TSNARE1: variants seen among roughly 807,000 people sequenced by gnomAD.
The protein encoded by TSNARE1 is t-SNARE domain-containing protein 1.
A neutral mutation model predicts 62.0 loss-of-function variants in TSNARE1; 49 were observed. The ratio of observed to expected loss-of-function variants is 0.79; its 90% CI spans 0.63 to 1.00. TSNARE1 has a LOEUF of 1.00. Ranked by LOEUF, TSNARE1 falls within the 50% of genes least tolerant of loss-of-function variation. The pLI is 0.00. For synonymous variants in TSNARE1, 328 were observed against 294.4 expected (o/e 1.11, Z -1.17); for missense variants, 755 against 700.1 (o/e 1.08, Z -0.88).
chr8:142,257,146 G>A (rs1282183869), intron 12 of TSNARE1, among the ~76,000 whole-genome samples: 1 of 152,180 alleles, frequency 6.6e-6, no homozygotes, highest in Non-Finnish European at 1.5e-5. Flanking sequence ...CTCTCCGAGG[G>A]AGGCAAGTCT....
intron 1 of TSNARE1, among the ~76,000 whole-genome samples, chr8:142,388,237 C>T (rs1218130485): frequency 1.3e-5 from 2 of 151,864 alleles, no homozygotes; most frequent in Admixed American, 6.6e-5. Flanking sequence ...AAAAAGAAAA[C>T]ATGAAATAAA....
intron 1 of TSNARE1, among the ~76,000 whole-genome samples, chr8:142,395,621 G>C (rs1587150574): frequency 6.6e-6 from 1 of 152,240 alleles, no homozygotes; most frequent in Admixed American, 6.5e-5. Context: ...AGAATTAAGG[G>C]GCCCAGGCTG....
At chr8:142,213,034 T>G in intron 13 of TSNARE1, among the ~76,000 whole-genome samples, 1 of 26,586 alleles carries the variant, frequency 3.8e-5, no homozygotes, top group South Asian at 4.1e-3. Context: ...TCTCTAATCC[T>G]TCCTCCTCCC....
At chr8:142,274,174 G>A (rs1381811142) in intron 12 of TSNARE1, 1 of 985,328 alleles carries the variant, frequency 1.0e-6, no homozygotes, top group Non-Finnish European at 1.2e-6. Flanking sequence ...GGAGCACCAG[G>A]CCACAATGGG....
intron 6 of TSNARE1, among the ~76,000 whole-genome samples, chr8:142,321,408 T>C (rs1445541995): frequency 6.6e-6 from 1 of 152,130 alleles, no homozygotes. Context: ...ATAAAATCAG[T>C]GTCCAGAAAG....
At chr8:142,312,442 T>C (rs975857936) in intron 9 of TSNARE1, among the ~76,000 whole-genome samples, 17 of 152,180 alleles carry the variant, frequency 1.1e-4, no homozygotes, top group South Asian at 1.0e-3. Context: ...AGAGACAACA[T>C]AGACATGATT....
chr8:142,378,874 G>A (rs148846840), intron 1 of TSNARE1, among the ~76,000 whole-genome samples: 1 of 152,150 alleles, frequency 6.6e-6, no homozygotes, highest in Non-Finnish European at 1.5e-5. Flanking sequence ...TTGGTTCCAC[G>A]GCAGCCTCTG....
chr8:142,347,531 A>G (rs1387320329), intron 2 of TSNARE1, among the ~76,000 whole-genome samples: 1 of 152,172 alleles, frequency 6.6e-6, no homozygotes, highest in Non-Finnish European at 1.5e-5. Context: ...ACCCCGGACA[A>G]TGGCCTGTGA....
At chr8:142,302,880 C>T (rs1308312955) in intron 9 of TSNARE1, among the ~76,000 whole-genome samples, 1 of 152,202 alleles carries the variant, frequency 6.6e-6, no homozygotes, top group Non-Finnish European at 1.5e-5. Context: ...CTAGGGACAG[C>T]ACTGTCCACC....
chr8:142,402,330 G>A (rs1302413009), intron 1 of TSNARE1, among the ~76,000 whole-genome samples: 3 of 152,210 alleles, frequency 2.0e-5, no homozygotes, highest in Non-Finnish European at 4.4e-5. Context: ...CACCAGACAC[G>A]TGTGGCTACT....
At chr8:142,259,430 G>GC (rs1223971902) in intron 12 of TSNARE1, among the ~76,000 whole-genome samples, 1 of 152,112 alleles carries the variant, frequency 6.6e-6, no homozygotes, top group Non-Finnish European at 1.5e-5. Flanking sequence ...CACCCTCCCT[G>GC]CCCCCCATAC....
chr8:142,351,051 A>G (rs569377733), intron 2 of TSNARE1, among the ~76,000 whole-genome samples: 1 of 152,364 alleles, frequency 6.6e-6, no homozygotes, highest in South Asian at 2.1e-4. Context: ...CTTCTCTTTT[A>G]GAGACACGCT....
chr8:142,306,921 G>C (rs1048705235), intron 9 of TSNARE1, among the ~76,000 whole-genome samples: 3 of 152,156 alleles, frequency 2.0e-5, no homozygotes, highest in Non-Finnish European at 4.4e-5. Context: ...CAAGACACAG[G>C]ACACTGGTCA....
At chr8:142,342,437 T>A (rs571659778) in intron 4 of TSNARE1, among the ~76,000 whole-genome samples, 1 of 152,292 alleles carries the variant, frequency 6.6e-6, no homozygotes, top group African/African-American at 2.4e-5. Flanking sequence ...TGGGGGCAGA[T>A]CCCAGCCAAT....
chr8:142,221,691 AC>A lies in TSNARE1; in HGVS notation c.*11+7781del, dbSNP rs1435934719. On this transcript the variant is annotated intron_variant, in intron 13 of 13. Transcript: ENST00000524325. ...CACTCATCCACTCATCCACTCACTC[AC>A]TCATCCACTCACTCATCCACTCACT... Among the ~76,000 whole-genome samples, 23 of 111,180 alleles carry A rather than the reference AC, an allele frequency of 2.1e-4. 2 individuals are homozygous for A. In the South Asian group the frequency reaches 2.4e-3, roughly 11 times the overall value. The allele number at this position is 111,180 out of a possible 152,430, so 72.9% of individuals were successfully genotyped here. A position where few individuals can be genotyped will look rare whatever the true frequency, so the allele number is the denominator to read the frequency against.
chr8:142,309,798 G>GTT (rs1463472178), intron 9 of TSNARE1, among the ~76,000 whole-genome samples: 1 of 152,146 alleles, frequency 6.6e-6, no homozygotes, highest in Non-Finnish European at 1.5e-5. Flanking sequence ...CGTATTCTCT[G>GTT]TAACAGCATG....
intron 1 of TSNARE1, among the ~76,000 whole-genome samples, chr8:142,373,158 G>A (rs888309920): frequency 1.3e-5 from 2 of 152,218 alleles, no homozygotes; most frequent in Non-Finnish European, 2.9e-5. Context: ...GAGAGGAAGG[G>A]AGGCCTCACA....
chr8:142,367,039 TACC>T (rs1835598658), intron 1 of TSNARE1, among the ~76,000 whole-genome samples: 1 of 150,374 alleles, frequency 6.7e-6, no homozygotes, highest in Admixed American at 6.6e-5. Context: ...AAATATAGTA[TACC>T]TAGGAATAAA....
intron 1 of TSNARE1, among the ~76,000 whole-genome samples, chr8:142,391,983 C>T (rs371239978): frequency 1.3e-5 from 2 of 152,364 alleles, no homozygotes; most frequent in African/African-American, 4.8e-5. Context: ...GATCCCGTGA[C>T]AACACCTCCT....
Sources: gnomAD v4.1 joint callset for allele counts (sites outside exome capture counted in the v4.1 genomes callset) on GRCh38, gnomAD v4.1.1 for gene constraint, MANE v1.5 for transcripts, NCBI Gene and HGNC (gene_info 2026-07-23, HGNC 2026-07-21) for gene names.